The following ZBTB20 variants were observed in gnomAD, a reference collection of about 807,000 sequenced individuals.
ZBTB20 encodes the protein zinc finger and BTB domain-containing protein 20.
A neutral mutation model predicts 56.9 loss-of-function variants in ZBTB20; 9 were observed. That is an observed-to-expected ratio of 0.16 (90% CI 0.10 to 0.28). The LOEUF (loss-of-function observed/expected upper bound fraction) is 0.28, where lower values mean the gene tolerates loss of function less well. ZBTB20 is among the 10% of genes least tolerant of loss of function. The pLI, the probability that ZBTB20 is intolerant of heterozygous loss-of-function variation, is 1.00. For missense variants in ZBTB20, 655 were observed against 1,003.0 expected, an observed-to-expected ratio of 0.65 and a Z score of 4.69; for synonymous variants, 417 against 420.7, an observed-to-expected ratio of 0.99 and a Z score of 0.11.
At chr3:114,435,332 T>C (rs1481793805) in intron 7 of ZBTB20, among the ~76,000 whole-genome samples, 1 of 152,220 alleles carries the variant, frequency 6.6e-6, no homozygotes, top group Non-Finnish European at 1.5e-5. Flanking sequence ...TTTTTCTTTA[T>C]GCATGGATTT....
At chr3:114,486,262 G>C (rs1280673740) in intron 7 of ZBTB20, among the ~76,000 whole-genome samples, 1 of 151,642 alleles carries the variant, frequency 6.6e-6, no homozygotes, top group East Asian at 1.9e-4. Flanking sequence ...GGATGGAGTG[G>C]TAAACACATA....
In ZBTB20 at chr3:114,961,604, T is replaced by C. The variant is rs192670408; in HGVS notation, c.-456+12762A>G. 1.0e-3 allele frequency among the ~76,000 whole-genome samples: 153 copies of C among 152,298 alleles called. 3 individuals are homozygous for C. In the East Asian group the frequency reaches 0.025, roughly 25 times the overall value. On this transcript the variant is annotated intron_variant, in intron 3 of 11. Transcript: ENST00000675478. ...CAAGGAAAAAAGTGGGCTCCATTTC[T>C]GTTTTTAAAAATCCAGAGTATCTGT...
At chr3:115,034,172 C>G (rs1274088037) in intron 2 of ZBTB20, among the ~76,000 whole-genome samples, 3 of 151,652 alleles carry the variant, frequency 2.0e-5, no homozygotes, top group African/African-American at 7.2e-5. Context: ...AGCTCTTCCT[C>G]TGAGATCAGC....
At chr3:114,593,160 T>A (rs965710310) in intron 6 of ZBTB20, among the ~76,000 whole-genome samples, 1 of 152,226 alleles carries the variant, frequency 6.6e-6, no homozygotes, top group Non-Finnish European at 1.5e-5. Context: ...AAATTCAGTG[T>A]CAACCTCTTC....
intron 4 of ZBTB20, among the ~76,000 whole-genome samples, chr3:114,875,854 G>T (rs753903467): frequency 6.6e-6 from 1 of 152,076 alleles, no homozygotes; most frequent in Non-Finnish European, 1.5e-5. Flanking sequence ...GACACTTTAC[G>T]TACATGAGGT....
intron 4 of ZBTB20, among the ~76,000 whole-genome samples, chr3:114,801,762 G>T (rs557625082): frequency 1.3e-5 from 2 of 151,616 alleles, no homozygotes; most frequent in African/African-American, 4.9e-5. Context: ...TGGGTTTAGC[G>T]TGCCCCATTT....
intron 6 of ZBTB20, among the ~76,000 whole-genome samples, chr3:114,526,104 T>C (rs2047188805): frequency 6.6e-6 from 1 of 152,338 alleles, no homozygotes; most frequent in South Asian, 2.1e-4. Flanking sequence ...CCTGTGGGAT[T>C]TGTTTTTCCT....
chr3:114,670,386 C>T (rs924121714), intron 6 of ZBTB20, among the ~76,000 whole-genome samples: 2 of 152,056 alleles, frequency 1.3e-5, no homozygotes, highest in African/African-American at 4.8e-5. Context: ...AGAATGAAAG[C>T]TCAGTAATTT....
rs758393491 is a variant in ZBTB20, at chr3:114,928,933, T to C, written c.-455-28591A>G. ...CTTGCTGGAATTACATTCACTCAGATAAACATTTATTAAGCACTTAGTTGG... is the reference window on the plus strand; with the variant it reads ...CTTGCTGGAATTACATTCACTCAGACAAACATTTATTAAGCACTTAGTTGG... On this transcript the variant is annotated intron_variant, in intron 3 of 11. Coordinates refer to ENST00000675478, the MANE Select transcript of ZBTB20 (RefSeq NM_001348800.3). Among the ~76,000 whole-genome samples, 175 of 152,344 alleles carry C rather than the reference T, an allele frequency of 1.1e-3. 2 individuals carry two copies. Among genetic ancestry groups the C allele is most frequent in the Non-Finnish European group, 1.8e-3 (120 of 68,034 alleles).
At chr3:114,898,410 C>T (rs986674962) in intron 4 of ZBTB20, among the ~76,000 whole-genome samples, 18 of 151,950 alleles carry the variant, frequency 1.2e-4, no homozygotes, top group African/African-American at 3.9e-4. Context: ...TTAAAATAGT[C>T]AAAAAGGATC....
Position 114,348,706 on chromosome 3 carries a change from C to T in ZBTB20, c.1804+1568G>A, listed in dbSNP as rs151169450. Among the ~76,000 whole-genome samples, 89 of 152,328 alleles carry T rather than the reference C, an allele frequency of 5.8e-4. No homozygotes were observed. In the East Asian group the frequency reaches 0.015, roughly 26 times the overall value. ...AACGTTCTGTTTCAGTTGTACAATT[C>T]CATGTTTGATGCCTTGCCTCTATCT... On this transcript the variant is annotated intron_variant, in intron 11 of 11. Coordinates refer to ENST00000675478, the MANE Select transcript of ZBTB20 (RefSeq NM_001348800.3).
intron 7 of ZBTB20, among the ~76,000 whole-genome samples, chr3:114,490,703 T>C (rs964845817): frequency 6.6e-6 from 1 of 152,214 alleles, no homozygotes; most frequent in African/African-American, 2.4e-5. Context: ...GATGATCTAA[T>C]TGTTTCTAAA....
chr3:114,586,211 T>G (rs1318895500), intron 6 of ZBTB20, among the ~76,000 whole-genome samples: 1 of 152,194 alleles, frequency 6.6e-6, no homozygotes, highest in Non-Finnish European at 1.5e-5. Flanking sequence ...GTGGTCAGTG[T>G]CACACAAAAG....
chr3:115,006,591 T>C (rs531968141), intron 2 of ZBTB20, among the ~76,000 whole-genome samples: 1 of 151,762 alleles, frequency 6.6e-6, no homozygotes, highest in Admixed American at 6.6e-5. Context: ...GGCAAAAATA[T>C]ATTGTGCCTT....
intron 1 of ZBTB20, among the ~76,000 whole-genome samples, chr3:115,122,253 A>G (rs1337438455): frequency 6.6e-6 from 1 of 152,142 alleles, no homozygotes; most frequent in East Asian, 1.9e-4. Context: ...AAGAGGAGTT[A>G]AAACTGAAAT....
Position 114,351,730 on chromosome 3 carries a change from G to T in ZBTB20, c.348C>A (p.Arg116=), listed in dbSNP as rs760894541. ...VTVRIHGSML[R]AHRCVLAAGS... ...CGGCTGCCAGCACGCAGCGGTGTGC[G>T]CGCAGCATGCTCCCGTGGATGCGCA... The change falls in exon 11 of 12, where the codon CGC becomes CGA. Residue 116 remains arginine, a synonymous_variant. Transcript: ENST00000675478. 6.2e-7 allele frequency: 1 copy of T among 1,614,078 alleles called. No homozygotes were observed. Among genetic ancestry groups the T allele is most frequent in the Non-Finnish European group, 8.5e-7 (1 of 1,180,026 alleles).
At chr3:115,063,400 C>G (rs1051153763) in intron 2 of ZBTB20, among the ~76,000 whole-genome samples, 1 of 152,112 alleles carries the variant, frequency 6.6e-6, no homozygotes, top group Admixed American at 6.6e-5. Context: ...ATATAGTAGT[C>G]TTCTCACTGC....
At chr3:115,014,167 G>A (rs1347310612) in intron 2 of ZBTB20, among the ~76,000 whole-genome samples, 2 of 151,612 alleles carry the variant, frequency 1.3e-5, no homozygotes, top group East Asian at 3.9e-4. Flanking sequence ...GGCACAGAAA[G>A]ACAAACTTGA....
intron 7 of ZBTB20, among the ~76,000 whole-genome samples, chr3:114,442,026 G>GGGC (rs1440517099): frequency 6.6e-6 from 1 of 152,140 alleles, no homozygotes; most frequent in Admixed American, 6.6e-5. Context: ...TTTGGTGGGG[G>GGGC]TTGTTGGGGG....
Sources: gnomAD v4.1 joint callset for allele counts (sites outside exome capture counted in the v4.1 genomes callset) on GRCh38, gnomAD v4.1.1 for gene constraint, MANE v1.5 for transcripts, NCBI Gene and HGNC (gene_info 2026-07-23, HGNC 2026-07-21) for gene names.